The following KCNC1 variants were observed in gnomAD, a reference collection of about 807,000 sequenced individuals.
KCNC1 encodes voltage-gated potassium channel KCNC1.
Under a neutral mutation model 43.4 loss-of-function variants are expected in KCNC1, and 8 were observed. The observed-to-expected ratio is 0.18, with a 90% CI of 0.11 to 0.33. KCNC1 has a LOEUF of 0.33. Among genes scored for constraint, KCNC1 ranks in the 10% least tolerant of loss-of-function variants. KCNC1 has a pLI of 1.00. For missense variants in KCNC1, 420 were observed against 836.0 expected, an observed-to-expected ratio of 0.50 and a Z score of 6.14; for synonymous variants, 361 against 360.5, an observed-to-expected ratio of 1.00 and a Z score of -0.01.
At position 17,736,128 on chromosome 11, in the gene KCNC1, C is replaced by T. The variant is rs1255278458; in HGVS notation, c.126C>T (p.Ala42=). Residue 42 remains alanine, a synonymous_variant, in exon 1 of 4, where the codon GCC becomes GCT. Transcript: ENST00000265969. The surrounding 1 kb of genome is among the most constrained non-coding windows in gnomAD (Gnocchi z 9.3). The part of the protein sequence containing the change: ...TRLAWLAEPD[A]HSHFDYDPRA... ...TCGCCTGGCTGGCGGAGCCCGACGC[C>T]CACAGCCACTTCGACTATGACCCGC... 6.2e-7 allele frequency: 1 copy of T among 1,612,338 alleles called. No individual in the cohort carries two copies. The highest frequency in any genetic ancestry group is 8.5e-7 in the Non-Finnish European group (1 of 1,179,360).
chr11:17,775,177 AC>A (rs1213843322), intron 2 of KCNC1: 1 of 985,308 alleles, frequency 1.0e-6, no homozygotes, highest in African/African-American at 1.7e-5. Flanking sequence ...GTCTCACTGT[AC>A]CCCCAAGGCA....
In KCNC1 at chr11:17,781,722, G is replaced by T; in HGVS notation, c.1746G>T (p.Val582=). 1 of 1,551,454 alleles carries T rather than the reference G, an allele frequency of 6.4e-7. No homozygotes were observed. Among genetic ancestry groups the T allele is most frequent in the Non-Finnish European group, 8.7e-7 (1 of 1,146,738 alleles). Residue 582 remains valine, a synonymous_variant, in exon 4 of 4, where the codon GTG becomes GTT. Coordinates refer to ENST00000265969, the MANE Select transcript of KCNC1 (RefSeq NM_001112741.2). The surrounding 1 kb of genome is among the most constrained non-coding windows in gnomAD (Gnocchi z 5.1). ...VIAKYMPTEA[V]RVT is the part of the protein sequence containing the mutation. ...CTAAGTATATGCCGACAGAGGCTGT[G>T]AGAGTGACTTGACCAGGCGGCTTGG...
rs146880867 is a variant in KCNC1 at position 17,738,257 on chromosome 11, C to G, written c.570+1685C>G. Among the ~76,000 whole-genome samples the G allele has an allele frequency of 2.5e-3, 379 of 152,162 alleles. 4 individuals are homozygous for G. Among genetic ancestry groups the G allele is most frequent in the Middle Eastern group, 6.8e-3 (2 of 294 alleles). ...TGGGACCCTCAGAGGGCTTCCCTCC[C>G]CTTCCCTTTCCTGACAGAGGCCACC... On this transcript the variant is annotated intron_variant, in intron 1 of 3. Coordinates refer to ENST00000265969, the MANE Select transcript of KCNC1 (RefSeq NM_001112741.2).
intron 1 of KCNC1, among the ~76,000 whole-genome samples, chr11:17,759,165 T>C (rs1849050941): frequency 6.6e-6 from 1 of 152,258 alleles, no homozygotes; most frequent in South Asian, 2.1e-4. Context: ...CACTTTTATG[T>C]TATGGAGAGA....
At position 17,734,883 on chromosome 11, in the gene KCNC1, C is replaced by G. The variant is rs892122595; in HGVS notation, c.-1120C>G. On this transcript the variant is annotated 5_prime_UTR_variant, in exon 1 of 4. Transcript: ENST00000265969. ...CGGCAGCGGCCGCTCCGCGCCTCGC[C>G]TCACCGGCCTCGCTGGCCTCACCTC... The G allele has an allele frequency of 3.3e-5, 5 of 149,942 alleles. No homozygotes were observed. The highest frequency in any genetic ancestry group is 7.4e-5 in the Non-Finnish European group (5 of 67,150). 9.3% of individuals were successfully genotyped at this position (149,942 alleles called of 1,614,324 possible).
intron 1 of KCNC1, among the ~76,000 whole-genome samples, chr11:17,769,264 C>T (rs1469248142): frequency 6.6e-6 from 1 of 151,972 alleles, no homozygotes; most frequent in East Asian, 1.9e-4. Flanking sequence ...CAACTCTGTG[C>T]CAGGCAGAAC....
In KCNC1 at chr11:17,781,176, G is replaced by C. The variant is rs1208930604; in HGVS notation, c.1694-494G>C. 6.5e-6 allele frequency: 1 copy of C among 153,248 alleles called. No individual in the cohort carries two copies. Among genetic ancestry groups the C allele is most frequent in the Non-Finnish European group, 1.5e-5 (1 of 68,742 alleles). The allele number at this position is 153,248 out of a possible 1,614,324, so 9.5% of individuals were successfully genotyped here. A position where few individuals can be genotyped will look rare whatever the true frequency, so the allele number is the denominator to read the frequency against. ...CAGACAAGACAGTCTCTTTACTGTG[G>C]TGCCAGAAGCACAGAAGGGAGTGTG... On this transcript the variant is annotated intron_variant, in intron 3 of 3. Coordinates refer to ENST00000265969, the MANE Select transcript of KCNC1 (RefSeq NM_001112741.2). This position sits in a 1 kb window ranked among gnomAD's most constrained non-coding sequence, Gnocchi z 5.1.
Position 17,772,470 on chromosome 11 carries a change from A to G in KCNC1, c.1376A>G (p.His459Arg). 2 of 1,614,140 alleles carry G rather than the reference A, an allele frequency of 1.2e-6. No individual in the cohort carries two copies. Among genetic ancestry groups the G allele is most frequent in the Non-Finnish European group, 1.7e-6 (2 of 1,180,024 alleles). ...AAACTACCAAAGAAAAAAAAGAAGC[A>G]TATTCCGCGGCCACCGCAGCTGGGA... ...KQKLPKKKKK[H>R]IPRPPQLGSP... Residue 459 changes from histidine to arginine, a missense_variant, in exon 2 of 4, where the codon CAT becomes CGT. Coordinates refer to ENST00000265969, the MANE Select transcript of KCNC1 (RefSeq NM_001112741.2).
chr11:17,758,325 G>A (rs950716493), intron 1 of KCNC1, among the ~76,000 whole-genome samples: 1 of 152,222 alleles, frequency 6.6e-6, no homozygotes, highest in African/African-American at 2.4e-5. Context: ...CACATCTGCA[G>A]TGACTTCCTC....
chr11:17,781,456 A>G lies in KCNC1; in HGVS notation c.1694-214A>G. 1.8e-6 allele frequency: 1 copy of G among 554,558 alleles called. No individual in the cohort carries two copies. Among genetic ancestry groups the G allele is most frequent in the Non-Finnish European group, 3.2e-6 (1 of 313,434 alleles). The allele number at this position is 554,558 out of a possible 1,614,324, so 34.4% of individuals were successfully genotyped here. A position where few individuals can be genotyped will look rare whatever the true frequency, so the allele number is the denominator to read the frequency against. On this transcript the variant is annotated intron_variant, in intron 3 of 3. Coordinates refer to ENST00000265969, the MANE Select transcript of KCNC1 (RefSeq NM_001112741.2). This position sits in a 1 kb window ranked among gnomAD's most constrained non-coding sequence, Gnocchi z 5.1. ...GTGTGTGAGTCAATGTGCAGAGCAGAAGTAGGGACTCATCCCATTCCCCCA... is the reference window on the plus strand; with the variant it reads ...GTGTGTGAGTCAATGTGCAGAGCAGGAGTAGGGACTCATCCCATTCCCCCA...
intron 1 of KCNC1, among the ~76,000 whole-genome samples, chr11:17,752,820 C>A (rs577862770): frequency 1.3e-5 from 2 of 152,160 alleles, no homozygotes; most frequent in Non-Finnish European, 2.9e-5. Flanking sequence ...CATGTCAGAG[C>A]GCTTAGAATA....
Position 17,781,306 on chromosome 11 carries a change from T to G in KCNC1, c.1694-364T>G. ...TCCCACCGAGGCTTAGGTGCCAGAGTCTTTGGGAGGCGCTAAGGGTGAAGT... is the reference window on the plus strand; with the variant it reads ...TCCCACCGAGGCTTAGGTGCCAGAGGCTTTGGGAGGCGCTAAGGGTGAAGT... On this transcript the variant is annotated intron_variant, in intron 3 of 3. Coordinates refer to ENST00000265969, the MANE Select transcript of KCNC1 (RefSeq NM_001112741.2). The surrounding 1 kb of genome is among the most constrained non-coding windows in gnomAD (Gnocchi z 5.1). The G allele has an allele frequency of 4.6e-6, 1 of 217,424 alleles. No homozygotes were observed. The highest frequency in any genetic ancestry group is 9.1e-6 in the Non-Finnish European group (1 of 110,196). The allele number at this position is 217,424 out of a possible 1,614,324, so 13.5% of individuals were successfully genotyped here.
rs531872455 is a variant in KCNC1 at position 17,771,260 on chromosome 11, A to G, written c.571-405A>G. Among the ~76,000 whole-genome samples the G allele has an allele frequency of 2.7e-3, 164 of 61,490 alleles. No homozygotes were observed. Among genetic ancestry groups the G allele is most frequent in the African/African-American group, 6.9e-3 (162 of 23,468 alleles). 40.3% of individuals were successfully genotyped at this position (61,490 alleles called of 152,430 possible). A position where few individuals can be genotyped will look rare whatever the true frequency, so the allele number is the denominator to read the frequency against. On this transcript the variant is annotated intron_variant, in intron 1 of 3. Coordinates refer to ENST00000265969, the MANE Select transcript of KCNC1 (RefSeq NM_001112741.2). The surrounding 1 kb of genome is among the most constrained non-coding windows in gnomAD (Gnocchi z 4.7). ...GCCCCAGCAGGCTAGCTAAATGGGC[A>G]GGGTAGCTAAATGCCTTAACAAATC...
In KCNC1 at chr11:17,777,895, A is replaced by G. The variant is rs915387524; in HGVS notation, c.1505-1561A>G. ...GGTAATCCCACCCACGTGCACGCCC[A>G]GCGTGTGCACGTGGGGAAGGATCAC... is the stretch of plus-strand genomic sequence containing the variant. On this transcript the variant is annotated intron_variant, in intron 2 of 3. Coordinates refer to ENST00000265969, the MANE Select transcript of KCNC1 (RefSeq NM_001112741.2). This position sits in a 1 kb window ranked among gnomAD's most constrained non-coding sequence, Gnocchi z 4.3. The G allele has an allele frequency of 1.9e-4, 187 of 963,832 alleles. No homozygotes were observed. The highest frequency in any genetic ancestry group is 2.2e-4 in the Non-Finnish European group (176 of 809,774). The allele number at this position is 963,832 out of a possible 1,614,324, so 59.7% of individuals were successfully genotyped here.
At chr11:17,745,226 G>A (rs1848884021) in intron 1 of KCNC1, among the ~76,000 whole-genome samples, 1 of 152,146 alleles carries the variant, frequency 6.6e-6, no homozygotes, top group African/African-American at 2.4e-5. Context: ...AGTGTCACAA[G>A]CAAGCCGCTC....
intron 3 of KCNC1, chr11:17,780,415 C>T (rs1849332051): frequency 6.6e-6 from 1 of 152,430 alleles, no homozygotes; most frequent in Non-Finnish European, 1.5e-5. Context: ...AGAGGCTTCT[C>T]CTAGAGCTTC....
chr11:17,748,899 G>C (rs1009033208), intron 1 of KCNC1, among the ~76,000 whole-genome samples: 8 of 152,184 alleles, frequency 5.3e-5, no homozygotes, highest in African/African-American at 1.9e-4. Context: ...AGCAGGAGAT[G>C]GTGGGTCCCA....
At chr11:17,753,733 G>C (rs1434406505) in intron 1 of KCNC1, among the ~76,000 whole-genome samples, 7 of 152,322 alleles carry the variant, frequency 4.6e-5, no homozygotes, top group African/African-American at 1.7e-4. Flanking sequence ...GGCAATGGGA[G>C]TCACACAGCC....
intron 1 of KCNC1, among the ~76,000 whole-genome samples, chr11:17,756,558 C>T (rs867784992): frequency 8.7e-5 from 13 of 148,790 alleles, no homozygotes; most frequent in Admixed American, 1.4e-4. Context: ...CACACACACA[C>T]GCATGTACAT....
Sources: allele counts gnomAD v4.1 joint callset (sites outside exome capture counted in the v4.1 genomes callset), GRCh38; gene constraint gnomAD v4.1.1; non-coding constraint Gnocchi (gnomAD v3.1); transcripts MANE v1.5; gene names NCBI Gene and HGNC (gene_info 2026-07-23, HGNC 2026-07-21).